The following SMYD5 variants were observed in gnomAD, a reference collection of about 807,000 sequenced individuals.
SMYD5 encodes the protein protein-lysine N-trimethyltransferase SMYD5.
Under a neutral mutation model 57.4 loss-of-function variants are expected in SMYD5, and 35 were observed. The ratio of observed to expected loss-of-function variants is 0.61; its 90% confidence interval spans 0.47 to 0.81. The LOEUF (loss-of-function observed/expected upper bound fraction) is 0.81. Among genes scored for constraint, SMYD5 ranks in the 30% least tolerant of loss-of-function variants. The pLI is 0.00. For synonymous variants in SMYD5, 198 were observed against 189.7 expected (o/e 1.04, Z -0.36); for missense variants, 471 against 527.9 (o/e 0.89, Z 1.06).
chr2:73,223,215 A>G, intron 8 of SMYD5, 109 bp downstream of exon 8: 1 of 960,346 alleles, frequency 1.0e-6, no homozygotes, highest in Non-Finnish European at 1.7e-6. Flanking sequence ...CTCTGGACAG[A>G]TCACTGAACT....
At chr2:73,214,654 T>A in intron 1 of SMYD5, 1 of 1,479,844 alleles carries the variant, frequency 6.8e-7, no homozygotes, top group Non-Finnish European at 9.1e-7. Context: ...GGGGCTTTGC[T>A]GCTGTATCCC....
intron 10 of SMYD5, 24 bp from the exon 11 acceptor site, chr2:73,224,842 C>T: frequency 2.6e-6 from 4 of 1,566,822 alleles, no homozygotes; most frequent in Non-Finnish European, 3.5e-6. Flanking sequence ...CAATAATCCT[C>T]ATTACCTGCC....
rs75605706 is a variant in SMYD5 at position 73,224,793 on chromosome 2, C to T, written c.941-73C>T. ...CAGGGATGAACGAGCAAGAAAGGAC[C>T]CAGTGCTCTGCAGAATTGAGGCTAT... On this transcript the variant is annotated intron_variant, in intron 10 of 12. Transcript: ENST00000389501. 272 of 1,179,690 alleles carry T rather than the reference C, an allele frequency of 2.3e-4. 1 individual carries two copies. The African/African-American group carries it at 3.8e-3, about 16-fold the overall frequency. The allele number at this position is 1,179,690 out of a possible 1,614,324, so 73.1% of individuals were successfully genotyped here.
chr2:73,217,753 T>A (rs1255963688), intron 1 of SMYD5, among the ~76,000 whole-genome samples: 2 of 152,172 alleles, frequency 1.3e-5, no homozygotes, highest in Admixed American at 1.3e-4. Flanking sequence ...GTGTCAAGCA[T>A]TTTTTTCCTC....
At chr2:73,222,557 C>T (rs1686415398) in intron 6 of SMYD5, among the ~76,000 whole-genome samples, 198 bp from the exon 7 acceptor site, 1 of 152,198 alleles carries the variant, frequency 6.6e-6, no homozygotes, top group Non-Finnish European at 1.5e-5. Flanking sequence ...TTTGGGTTTG[C>T]CACCCCGGGT....
chr2:73,221,339 C>T (rs1686392136), intron 5 of SMYD5, 105 bp downstream of exon 5: 1 of 901,394 alleles, frequency 1.1e-6, no homozygotes, highest in African/African-American at 1.7e-5. Flanking sequence ...CAGAGTTCTT[C>T]CTGGCCTTCC....
At chr2:73,219,948 C>T (rs1425024831) in intron 2 of SMYD5, 103 bp from the exon 3 acceptor site, 2 of 1,394,458 alleles carry the variant, frequency 1.4e-6, no homozygotes, top group Non-Finnish European at 2.0e-6. Flanking sequence ...TTATGAAACA[C>T]TAGAATGGTG....
intron 1 of SMYD5, among the ~76,000 whole-genome samples, chr2:73,217,107 A>C (rs896420383): frequency 6.6e-6 from 1 of 152,056 alleles, no homozygotes; most frequent in South Asian, 2.1e-4. Context: ...GAACACCACC[A>C]TGTCCAGCTA....
intron 5 of SMYD5, among the ~76,000 whole-genome samples, chr2:73,221,504 C>T (rs544778499): frequency 6.7e-6 from 1 of 149,822 alleles, no homozygotes; most frequent in African/African-American, 2.5e-5. Flanking sequence ...ATAGAAGATG[C>T]CTTGTGCAGT....
At chr2:73,219,029 C>A in intron 2 of SMYD5, 60 bp downstream of exon 2, 1 of 1,214,464 alleles carries the variant, frequency 8.2e-7, no homozygotes, top group Non-Finnish European at 1.2e-6. Context: ...AAGTGAGCTG[C>A]ATACATCCCT....
At chr2:73,218,307 T>G (rs1686325701) in intron 1 of SMYD5, among the ~76,000 whole-genome samples, 1 of 152,254 alleles carries the variant, frequency 6.6e-6, no homozygotes, top group African/African-American at 2.4e-5. Flanking sequence ...TTTCTTTCAG[T>G]GCAACCACCA....
chr2:73,215,465 C>G (rs145554172), intron 1 of SMYD5, among the ~76,000 whole-genome samples: 1 of 152,178 alleles, frequency 6.6e-6, no homozygotes, highest in Non-Finnish European at 1.5e-5. Context: ...CTAGAGGTAT[C>G]TGGAGCAGTT....
In SMYD5 at chr2:73,224,930, C is replaced by T; in HGVS notation, c.1005C>T (p.Val335=). ...CAGAAAACAACTTCCTTTTGCATGT[C>T]ACTGCTCTGGAGGATATTAAGCCAG... The part of the protein sequence containing the change: ...SFPENNFLLH[V]TALEDIKPGE... Residue 335 remains valine, a synonymous_variant, in exon 11 of 13, where the codon GTC becomes GTT. Transcript: ENST00000389501. 1 of 1,614,014 alleles carries T rather than the reference C, an allele frequency of 6.2e-7. No homozygotes were observed. The highest frequency in any genetic ancestry group is 8.5e-7 in the Non-Finnish European group (1 of 1,179,932).
rs62149563 is a variant in SMYD5, at chr2:73,223,944, C to T, written c.884-3C>T. 8 of 1,613,684 alleles carry T rather than the reference C, an allele frequency of 5.0e-6. No homozygotes were observed. In the East Asian group the frequency reaches 1.8e-4, roughly 36 times the overall value. ...ATAATGTGTGTGTATTACTGTCTTACAGCAACTGGAGAGTTTCTTAACTGT... is the reference window on the plus strand; with the variant it reads ...ATAATGTGTGTGTATTACTGTCTTATAGCAACTGGAGAGTTTCTTAACTGT... On this transcript the variant is annotated splice_polypyrimidine_tract_variant and splice_region_variant and intron_variant, in intron 9 of 12. Coordinates refer to ENST00000389501, the MANE Select transcript of SMYD5 (RefSeq NM_006062.3).
chr2:73,222,609 C>G, intron 6 of SMYD5, 146 bp from the exon 7 acceptor site: 1 of 675,796 alleles, frequency 1.5e-6, no homozygotes, highest in African/African-American at 1.8e-5. Context: ...TGGAGGTAGA[C>G]TCTGTGGCCT....
intron 7 of SMYD5, 77 bp from the exon 8 acceptor site, chr2:73,222,959 G>T (rs1686423672): frequency 2.6e-6 from 4 of 1,516,964 alleles, no homozygotes; most frequent in African/African-American, 1.4e-5. Context: ...CTCACAGAAG[G>T]CTTCCCAAAC....
In SMYD5 at chr2:73,221,891, G is replaced by A. The variant is rs1686404583; in HGVS notation, c.603G>A (p.Glu201=). 1.9e-6 allele frequency: 3 copies of A among 1,613,566 alleles called. No individual in the cohort carries two copies. Among genetic ancestry groups the A allele is most frequent in the East Asian group, 2.2e-5 (1 of 44,888 alleles). The change falls in exon 6 of 13, where the codon GAG becomes GAA. Residue 201 remains glutamate (E), a synonymous_variant. Transcript: ENST00000389501. ...TTTGTAACAAAACAGCCAATGAAGA[G>A]GAGGAAATTGTCCATAAACTTCTGG... ...SQFCNKTANE[E]EEIVHKLLGD...
chr2:73,216,961 T>C (rs984618732), intron 1 of SMYD5, among the ~76,000 whole-genome samples: 1 of 151,750 alleles, frequency 6.6e-6, no homozygotes. Context: ...CAACCTTCTT[T>C]TTTTTTTTGA....
chr2:73,226,890 C>T lies in SMYD5; in HGVS notation c.*944C>T, dbSNP rs1230342614. On this transcript the variant is annotated 3_prime_UTR_variant, in exon 13 of 13. Transcript: ENST00000389501. ...ACTAACATTGAAGTCTTCCAGAAAC[C>T]TCGAGGAGCTGGGCTAGATACTTCG... 6.5e-6 allele frequency: 1 copy of T among 152,700 alleles called. No individual in the cohort carries two copies. Among genetic ancestry groups the T allele is most frequent in the East Asian group, 1.9e-4 (1 of 5,196 alleles). The allele number at this position is 152,700 out of a possible 1,614,324, so 9.5% of individuals were successfully genotyped here. A position where few individuals can be genotyped will look rare whatever the true frequency, so the allele number is the denominator to read the frequency against.
Sources: allele counts gnomAD v4.1 joint callset (sites outside exome capture counted in the v4.1 genomes callset), GRCh38; gene constraint gnomAD v4.1.1; transcripts MANE v1.5; gene names NCBI Gene and HGNC (gene_info 2026-07-23, HGNC 2026-07-21).